The following MCC variants were observed in gnomAD, a reference collection of about 807,000 sequenced individuals.
MCC encodes the protein MCC regulator of Wnt signaling pathway, also known as colorectal mutant cancer protein.
Under a neutral mutation model 116.2 loss-of-function variants are expected in MCC, and 90 were observed. The ratio of observed to expected loss-of-function variants is 0.77; its 90% CI spans 0.65 to 0.92. The LOEUF is 0.92. Among genes scored for constraint, MCC ranks in the 40% least tolerant of loss-of-function variants. The probability of loss-of-function intolerance (pLI) is 0.00; values close to 1 mark genes in which losing one functional copy is unlikely to be tolerated. For synonymous variants in MCC, 578 were observed against 510.5 expected, an observed-to-expected ratio of 1.13 and a Z score of -1.78; for missense variants, 1,516 against 1,312.2, an observed-to-expected ratio of 1.16 and a Z score of -2.40.
intron 3 of MCC, among the ~76,000 whole-genome samples, chr5:113,281,998 G>A (rs1766064459): frequency 6.6e-6 from 1 of 152,188 alleles, no homozygotes; most frequent in African/African-American, 2.4e-5. Flanking sequence ...TATGGGTTAT[G>A]TCACTGGCCT....
At chr5:113,285,688 C>G (rs1766227814) in intron 3 of MCC, among the ~76,000 whole-genome samples, 1 of 152,204 alleles carries the variant, frequency 6.6e-6, no homozygotes, top group African/African-American at 2.4e-5. Flanking sequence ...CCTGATCACT[C>G]AAACAGCATC....
chr5:113,161,011 A>C (rs556380550), intron 3 of MCC, among the ~76,000 whole-genome samples: 6 of 152,222 alleles, frequency 3.9e-5, no homozygotes, highest in Admixed American at 3.3e-4. Context: ...AGAATATTTT[A>C]TATATTTTGT....
intron 3 of MCC, among the ~76,000 whole-genome samples, chr5:113,265,131 G>A (rs907761726): frequency 6.6e-6 from 1 of 152,154 alleles, no homozygotes; most frequent in Non-Finnish European, 1.5e-5. Flanking sequence ...GAGTAGTAAT[G>A]TCAGAGACCA....
chr5:113,120,247 T>C (rs1400507373), intron 6 of MCC, among the ~76,000 whole-genome samples: 4 of 152,176 alleles, frequency 2.6e-5, no homozygotes, highest in Non-Finnish European at 5.9e-5. Flanking sequence ...GGTATGAACT[T>C]AGCATGCTGG....
At chr5:113,037,625 T>C (rs1284374486) in intron 17 of MCC, among the ~76,000 whole-genome samples, 1 of 151,924 alleles carries the variant, frequency 6.6e-6, no homozygotes, top group Non-Finnish European at 1.5e-5. Flanking sequence ...CCTGGGGAGG[T>C]TGAGTCTGCA....
At chr5:113,307,845 AC>A (rs1227406524) in intron 3 of MCC, among the ~76,000 whole-genome samples, 4 of 152,164 alleles carry the variant, frequency 2.6e-5, no homozygotes, top group Non-Finnish European at 2.9e-5. Context: ...AATGGAAAAC[AC>A]TTCTTCCATT....
At chr5:113,280,022 T>C (rs546222214) in intron 3 of MCC, among the ~76,000 whole-genome samples, 2 of 152,354 alleles carry the variant, frequency 1.3e-5, no homozygotes, top group Admixed American at 1.3e-4. Context: ...TTCCAGCTCC[T>C]GGAGCTACTC....
chr5:113,480,021 C>A (rs1048415123), intron 1 of MCC, among the ~76,000 whole-genome samples: 1 of 152,162 alleles, frequency 6.6e-6, no homozygotes, highest in African/African-American at 2.4e-5. Context: ...TCTTTCTGTT[C>A]CATTTACCTT....
chr5:113,141,686 A>G (rs1759190680), intron 5 of MCC, among the ~76,000 whole-genome samples: 1 of 152,234 alleles, frequency 6.6e-6, no homozygotes, highest in Admixed American at 6.5e-5. Flanking sequence ...TTAATATGAC[A>G]TCTCCACAGA....
intron 2 of MCC, among the ~76,000 whole-genome samples, chr5:113,375,844 A>G (rs1053631388): frequency 2.0e-5 from 3 of 152,270 alleles, no homozygotes; most frequent in African/African-American, 7.2e-5. Context: ...AGCAAACCAC[A>G]AGGCCACCCT....
rs775881721 is a variant in MCC at position 113,151,344 on chromosome 5, G to T, written c.706C>A (p.Arg236=). 3.7e-6 allele frequency: 6 copies of T among 1,613,600 alleles called. No homozygotes were observed. Among genetic ancestry groups the T allele is most frequent in the Non-Finnish European group, 5.1e-6 (6 of 1,179,726 alleles). Residue 236 remains arginine, a synonymous_variant, in exon 4 of 19, where the codon CGG becomes AGG. Coordinates refer to ENST00000408903, the MANE Select transcript of MCC (RefSeq NM_001085377.2). The part of the protein sequence containing the change: ...NKRLQQTERE[R]DLLEKKLAKA... ...GCCAATTTCTTTTCCAGAAGGTCCC[G>T]TTCCCTCTCTGTTTGCTGGAGACGT...
At chr5:113,378,601 G>A (rs1769038874) in intron 2 of MCC, among the ~76,000 whole-genome samples, 1 of 152,168 alleles carries the variant, frequency 6.6e-6, no homozygotes. Context: ...AAAAACAAGT[G>A]CCCCCAAAGC....
chr5:113,066,983 T>C (rs72803225), intron 13 of MCC, among the ~76,000 whole-genome samples: 22,180 of 152,232 alleles, frequency 0.15, 1,871 homozygotes, highest in South Asian at 0.23. Context: ...GACGGCCACC[T>C]TTCTCCTTGG....
At chr5:113,364,238 G>GAAAAAAAAAAAAAAAAAAAAAAACAAA (rs60976854) in intron 2 of MCC, among the ~76,000 whole-genome samples, 5 of 49,416 alleles carry the variant, frequency 1.0e-4, no homozygotes, top group South Asian at 8.5e-4. Flanking sequence ...CTCAAAAACA[G>GAAAAAAAAAAAAAAAAAAAAAAACAAA]AAAAAAAAAA....
chr5:113,237,399 G>A (rs1368254732), intron 3 of MCC, among the ~76,000 whole-genome samples: 1 of 152,142 alleles, frequency 6.6e-6, no homozygotes, highest in Non-Finnish European at 1.5e-5. Context: ...GGAAATAAAT[G>A]TGTTCCATGA....
intron 1 of MCC, among the ~76,000 whole-genome samples, chr5:113,486,840 T>A (rs137890791): frequency 9.0e-5 from 13 of 145,144 alleles, no homozygotes; most frequent in Non-Finnish European, 6.0e-5. Flanking sequence ...AGATTCTGTC[T>A]AAAAAAAAAA....
intron 1 of MCC, among the ~76,000 whole-genome samples, chr5:113,445,688 T>G (rs1213046730): frequency 6.6e-6 from 1 of 152,184 alleles, no homozygotes; most frequent in Non-Finnish European, 1.5e-5. Context: ...ACAGATTCAA[T>G]GCTATTCCTA....
At chr5:113,325,392 TTC>T (rs1273950321) in intron 3 of MCC, among the ~76,000 whole-genome samples, 1 of 151,916 alleles carries the variant, frequency 6.6e-6, no homozygotes, top group Non-Finnish European at 1.5e-5. Context: ...GTGTACTAAA[TTC>T]TGATTGTTTT....
chr5:113,173,832 A>G (rs1174687393), intron 3 of MCC, among the ~76,000 whole-genome samples: 4 of 152,224 alleles, frequency 2.6e-5, no homozygotes, highest in Admixed American at 6.5e-5. Context: ...CCAATTAGCT[A>G]AAACAGCACC....
Sources: gnomAD v4.1 joint callset for allele counts (sites outside exome capture counted in the v4.1 genomes callset) on GRCh38, gnomAD v4.1.1 for gene constraint, MANE v1.5 for transcripts, NCBI Gene and HGNC (gene_info 2026-07-23, HGNC 2026-07-21) for gene names.